The following EPHA4 variants were observed in gnomAD, a reference collection of about 807,000 sequenced individuals.
EPHA4 encodes ephrin type-A receptor 4.
EPHA4 carries 19 observed loss-of-function variants against 108.3 expected under a neutral mutation model. The ratio of observed to expected loss-of-function variants is 0.18; its 90% CI spans 0.12 to 0.26. The LOEUF is 0.26. EPHA4 is among the 10% of genes least tolerant of loss of function. The probability of loss-of-function intolerance (pLI) is 1.00; values close to 1 mark genes in which losing one functional copy is unlikely to be tolerated. For synonymous variants in EPHA4, 449 were observed against 455.5 expected, an observed-to-expected ratio of 0.99 and a Z score of 0.18; for missense variants, 917 against 1,254.0, an observed-to-expected ratio of 0.73 and a Z score of 4.06.
At chr2:221,517,912 C>T (rs188896199) in intron 3 of EPHA4, among the ~76,000 whole-genome samples, 66 of 152,226 alleles carry the variant, frequency 4.3e-4, no homozygotes, top group African/African-American at 1.4e-3. Flanking sequence ...GGAAGCCAGC[C>T]GAGGGGCCAG....
At chr2:221,450,802 G>A (rs1004594191) in intron 8 of EPHA4, among the ~76,000 whole-genome samples, 3 of 152,160 alleles carry the variant, frequency 2.0e-5, no homozygotes, top group Non-Finnish European at 4.4e-5. Flanking sequence ...TATAAAAACA[G>A]CATGTGCCTG....
chr2:221,497,564 C>T (rs1010475124), intron 4 of EPHA4, among the ~76,000 whole-genome samples: 1 of 152,018 alleles, frequency 6.6e-6, no homozygotes, highest in Non-Finnish European at 1.5e-5. Flanking sequence ...TAGGGTGAAA[C>T]TCTGTCTCTA....
intron 3 of EPHA4, among the ~76,000 whole-genome samples, chr2:221,518,366 A>T (rs1693052196): frequency 6.6e-6 from 1 of 152,088 alleles, no homozygotes. Context: ...CTGCTGCACA[A>T]CTGTAATCCA....
intron 3 of EPHA4, among the ~76,000 whole-genome samples, chr2:221,559,528 TGA>T (rs1694395864): frequency 6.6e-6 from 1 of 152,046 alleles, no homozygotes; most frequent in Non-Finnish European, 1.5e-5. Flanking sequence ...GGCAACAGAG[TGA>T]GACTTCATCT....
intron 9 of EPHA4, among the ~76,000 whole-genome samples, chr2:221,444,591 T>A (rs1338890895): frequency 6.6e-6 from 1 of 152,078 alleles, no homozygotes; most frequent in Non-Finnish European, 1.5e-5. Context: ...ATATATTCCA[T>A]GTAAAAATTT....
At chr2:221,463,338 T>C (rs762072112) in intron 5 of EPHA4, among the ~76,000 whole-genome samples, 4 of 152,204 alleles carry the variant, frequency 2.6e-5, no homozygotes, top group Admixed American at 1.3e-4. Flanking sequence ...TAAATTTCAC[T>C]CCCAAAGAAT....
intron 4 of EPHA4, among the ~76,000 whole-genome samples, chr2:221,483,890 G>C (rs1691903877): frequency 6.6e-6 from 1 of 152,052 alleles, no homozygotes; most frequent in Non-Finnish European, 1.5e-5. Flanking sequence ...GAATTTTCTT[G>C]GTCTGAACCA....
Position 221,436,379 on chromosome 2 carries a change from A to T in EPHA4, c.2346+20T>A, listed in dbSNP as rs143826461. The T allele has an allele frequency of 6.7e-3, 10,783 of 1,609,512 alleles. 64 individuals are homozygous for T. The highest frequency in any genetic ancestry group is 0.027 in the Middle Eastern group (165 of 6,050). ...CAGTTTCACCAGAGTGAAAGCCCAG[A>T]TGTCACCGATCTTTCTTACCCTGGT... On this transcript the variant is annotated intron_variant, in intron 13 of 17. Coordinates refer to ENST00000281821, the MANE Select transcript of EPHA4 (RefSeq NM_004438.5).
chr2:221,430,488 C>T (rs766504942), intron 14 of EPHA4, among the ~76,000 whole-genome samples: 16 of 152,020 alleles, frequency 1.1e-4, no homozygotes, highest in Non-Finnish European at 2.2e-4. Context: ...CAGTCCCCTG[C>T]CCCGCTCCAT....
chr2:221,422,865 A>G (rs953909025), intron 17 of EPHA4, among the ~76,000 whole-genome samples: 8 of 152,216 alleles, frequency 5.3e-5, no homozygotes, highest in African/African-American at 1.9e-4. Context: ...CCCCATTACA[A>G]AACAATAATT....
chr2:221,530,255 G>C (rs1335555660), intron 3 of EPHA4, among the ~76,000 whole-genome samples: 5 of 151,478 alleles, frequency 3.3e-5, no homozygotes, highest in African/African-American at 1.2e-4. Context: ...GTCTCAGCAA[G>C]TCGCCATCAG....
intron 3 of EPHA4, among the ~76,000 whole-genome samples, chr2:221,513,644 A>T (rs554540578): frequency 6.6e-6 from 1 of 152,098 alleles, no homozygotes; most frequent in Admixed American, 6.5e-5. Flanking sequence ...GGTCACCTTT[A>T]AAAAAAATGA....
intron 4 of EPHA4, among the ~76,000 whole-genome samples, chr2:221,492,635 C>G (rs1170368460): frequency 6.6e-6 from 1 of 152,228 alleles, no homozygotes; most frequent in East Asian, 1.9e-4. Flanking sequence ...GTGGTATACT[C>G]ACTAGCTAAC....
intron 3 of EPHA4, among the ~76,000 whole-genome samples, chr2:221,543,678 A>C (rs1693902273): frequency 6.6e-6 from 1 of 152,226 alleles, no homozygotes; most frequent in Admixed American, 6.5e-5. Flanking sequence ...TGATTATGTT[A>C]AAGTCTAGTG....
At chr2:221,551,404 TC>T in intron 3 of EPHA4, among the ~76,000 whole-genome samples, 1 of 152,160 alleles carries the variant, frequency 6.6e-6, no homozygotes, top group Non-Finnish European at 1.5e-5. Flanking sequence ...GGGGAGGGGT[TC>T]TTTTTAGTGT....
At chr2:221,525,771 C>G (rs1693304243) in intron 3 of EPHA4, among the ~76,000 whole-genome samples, 1 of 152,122 alleles carries the variant, frequency 6.6e-6, no homozygotes, top group African/African-American at 2.4e-5. Context: ...CAGGGAAGAA[C>G]TGAGATTCTC....
intron 5 of EPHA4, among the ~76,000 whole-genome samples, chr2:221,470,237 G>A (rs2106129076): frequency 6.6e-6 from 1 of 151,958 alleles, no homozygotes; most frequent in African/African-American, 2.4e-5. Flanking sequence ...AGTGTTGCTT[G>A]GCTTAAAGCA....
intron 14 of EPHA4, among the ~76,000 whole-genome samples, chr2:221,431,332 G>A (rs977508348): frequency 6.6e-6 from 1 of 152,200 alleles, no homozygotes; most frequent in Non-Finnish European, 1.5e-5. Context: ...ACCCTGTGGT[G>A]GGTCTATTGA....
chr2:221,557,851 T>G (rs1013822723), intron 3 of EPHA4, among the ~76,000 whole-genome samples: 15 of 152,184 alleles, frequency 9.9e-5, no homozygotes, highest in Admixed American at 7.9e-4. Flanking sequence ...CCCACTGACA[T>G]TCTCATAAGG....
Sources: allele counts gnomAD v4.1 joint callset (sites outside exome capture counted in the v4.1 genomes callset), GRCh38; gene constraint gnomAD v4.1.1; transcripts MANE v1.5; gene names NCBI Gene and HGNC (gene_info 2026-07-23, HGNC 2026-07-21).